RET: variants seen among roughly 807,000 people sequenced by gnomAD.
RET encodes the protein ret proto-oncogene.
A neutral mutation model predicts 118.3 loss-of-function variants in RET; 19 were observed. The observed-to-expected ratio is 0.16, with a 90% CI of 0.11 to 0.24. The LOEUF is 0.24. Among genes scored for constraint, RET ranks in the 10% least tolerant of loss-of-function variants. RET has a pLI of 1.00. For synonymous variants in RET, 597 were observed against 644.1 expected, an observed-to-expected ratio of 0.93 and a Z score of 1.11; for missense variants, 1,219 against 1,502.1, an observed-to-expected ratio of 0.81 and a Z score of 3.12.
intron 6 of RET, 111 bp downstream of exon 6, chr10:43,109,341 G>A (rs1446637135): frequency 3.6e-6 from 4 of 1,119,822 alleles, no homozygotes; most frequent in Non-Finnish European, 5.2e-6. Context: ...GAGTAGACTG[G>A]GTGGAGTCCT....
At position 43,092,730 on chromosome 10, in the gene RET, C is replaced by T. The variant is rs1291068770; in HGVS notation, c.74-7729C>T. Among the ~76,000 whole-genome samples the T allele has an allele frequency of 2.0e-5, 3 of 152,212 alleles. No homozygotes were observed. The East Asian group carries it at 5.8e-4, about 29-fold the overall frequency. On this transcript the variant is annotated intron_variant, in intron 1 of 19. Transcript: ENST00000355710. ...CAGGGCTCCTCAGGCACTGATAGAT[C>T]ATTTCCTGAGCTGAAAAGGAGTGGT... is the stretch of plus-strand genomic sequence containing the variant.
At chr10:43,127,017 T>C in intron 19 of RET, 5 of 1,324,228 alleles carry the variant, frequency 3.8e-6, no homozygotes, top group Non-Finnish European at 4.8e-6. Flanking sequence ...CAAGAACAGG[T>C]TGAATAAGGC....
rs747166722 is a variant in RET at position 43,114,679 on chromosome 10, C to G, written c.2079C>G (p.Arg693=). The change falls in exon 11 of 20, where the codon CGC becomes CGG. Residue 693 remains arginine (R), a synonymous_variant. Transcript: ENST00000355710. This position sits in a 1 kb window ranked among gnomAD's most constrained non-coding sequence, Gnocchi z 4.6. ...FPVSYSSSGA[R]RPSLDSMENQ... ...TCAGCTACTCCTCTTCCGGTGCCCG[C>G]CGGCCCTCGCTGGACTCCATGGAGA... 1.2e-5 allele frequency: 19 copies of G among 1,612,394 alleles called. No homozygotes were observed. The highest frequency in any genetic ancestry group is 1.7e-5 in the Admixed American group (1 of 59,992).
intron 1 of RET, among the ~76,000 whole-genome samples, chr10:43,078,940 G>A (rs913836902): frequency 2.6e-5 from 4 of 152,238 alleles, no homozygotes; most frequent in African/African-American, 9.6e-5. Flanking sequence ...CCCTGGAGTA[G>A]ACAGCTGGGG....
At chr10:43,091,167 C>T (rs1373714197) in intron 1 of RET, among the ~76,000 whole-genome samples, 2 of 152,112 alleles carry the variant, frequency 1.3e-5, no homozygotes, top group East Asian at 3.9e-4. Flanking sequence ...AATTGGGCTA[C>T]ATCAAAATGT....
intron 3 of RET, chr10:43,104,600 C>T (rs929556031): frequency 2.4e-6 from 1 of 423,662 alleles, no homozygotes; most frequent in Non-Finnish European, 4.3e-6. Flanking sequence ...CACCCTTCCC[C>T]ACACAAGGCC....
intron 11 of RET, 22 bp from the exon 12 acceptor site, chr10:43,116,562 C>G (rs959299216): frequency 2.5e-6 from 4 of 1,613,648 alleles, no homozygotes; most frequent in Non-Finnish European, 2.5e-6. Context: ...CTCTTCTCCC[C>G]CTTCCCTCAT....
intron 1 of RET, among the ~76,000 whole-genome samples, chr10:43,093,976 C>T (rs976457186): frequency 6.6e-6 from 1 of 151,890 alleles, no homozygotes; most frequent in Admixed American, 6.6e-5. Flanking sequence ...TCAGCAGGGC[C>T]ACGGGCTCCA....
At chr10:43,096,127 G>A (rs558662930) in intron 1 of RET, among the ~76,000 whole-genome samples, 3 of 152,168 alleles carry the variant, frequency 2.0e-5, no homozygotes, top group African/African-American at 7.2e-5. Context: ...GTGGCATTTG[G>A]GCTTTGAAGG....
At chr10:43,094,934 C>T (rs144021924) in intron 1 of RET, among the ~76,000 whole-genome samples, 65 of 152,234 alleles carry the variant, frequency 4.3e-4, no homozygotes, top group African/African-American at 1.1e-3. Flanking sequence ...GCAATGTGTC[C>T]GCCTGAGTCT....
Position 43,128,238 on chromosome 10 carries a change from C to T in RET, c.3314C>T (p.Ala1105Val), listed in dbSNP as rs532862288. ...GCTAACTGGATGCTTTCACCCTCAG[C>T]GGCAAAATTAATGGACACGTTTGAT... The part of the protein sequence containing the change: ...VYANWMLSPS[A>V]AKLMDTFDS Residue 1105 changes from alanine to valine, a missense_variant, in exon 20 of 20, where the codon GCG (alanine) becomes GTG (valine). Transcript: ENST00000355710. 2.9e-5 allele frequency: 47 copies of T among 1,613,990 alleles called. No homozygotes were observed. Among genetic ancestry groups the T allele is most frequent in the Admixed American group, 5.0e-5 (3 of 59,992 alleles).
intron 1 of RET, among the ~76,000 whole-genome samples, chr10:43,099,836 G>A (rs980631828): frequency 6.6e-6 from 1 of 152,218 alleles, no homozygotes; most frequent in African/African-American, 2.4e-5. Context: ...CCATCCAGGT[G>A]TTTGCGTGTA....
chr10:43,120,061 C>T lies in RET; in HGVS notation c.2608-20C>T, dbSNP rs758516402. On this transcript the variant is annotated intron_variant, in intron 14 of 19. Transcript: ENST00000355710. ...GCTGCCTGGCCATGGCCTGACGACT[C>T]GTGCTATTTTTCCTCACAGCTCGTT... 1.3e-5 allele frequency: 21 copies of T among 1,613,018 alleles called. No individual in the cohort carries two copies. The highest frequency in any genetic ancestry group is 1.7e-5 in the Non-Finnish European group (20 of 1,179,704).
chr10:43,085,302 T>C (rs1837266673), intron 1 of RET, among the ~76,000 whole-genome samples: 1 of 152,202 alleles, frequency 6.6e-6, no homozygotes, highest in South Asian at 2.1e-4. Context: ...CACAGGGGCA[T>C]GGGCTGGGCC....
At chr10:43,093,230 G>A (rs1425341357) in intron 1 of RET, among the ~76,000 whole-genome samples, 1 of 152,094 alleles carries the variant, frequency 6.6e-6, no homozygotes, top group Admixed American at 6.5e-5. Context: ...CACAGAGGGT[G>A]CCATGATTCA....
chr10:43,109,195 C>G lies in RET; in HGVS notation c.1228C>G (p.Leu410Val). The G allele has an allele frequency of 6.2e-7, 1 of 1,613,780 alleles. No homozygotes were observed. The highest frequency in any genetic ancestry group is 2.2e-5 in the East Asian group (1 of 44,880). Residue 410 changes from leucine to valine, a missense_variant, in exon 6 of 20, where the codon CTC (leucine) becomes GTC (valine). By Grantham distance (32) the Leu-to-Val change is conservative. Transcript: ENST00000355710. ...CCTGCACCTGCCCAGTACCTACTCC[C>G]TCTCCGTGAGCAGGAGGGCTCGCCG... is the stretch of plus-strand genomic sequence containing the variant. ...VSLHLPSTYS[L>V]SVSRRARRFA...
At position 43,095,288 on chromosome 10, in the gene RET, A is replaced by G. The variant is rs1451805772; in HGVS notation, c.74-5171A>G. Among the ~76,000 whole-genome samples, 5 of 152,102 alleles carry G rather than the reference A, an allele frequency of 3.3e-5. No individual in the cohort carries two copies. The East Asian group carries it at 7.7e-4, about 23-fold the overall frequency. On this transcript the variant is annotated intron_variant, in intron 1 of 19. Coordinates refer to ENST00000355710, the MANE Select transcript of RET (RefSeq NM_020975.6). Reference sequence around the variant, plus strand: ...TTGGGTATGTGCTAGGGTGGAGCACATAGCACACCCTGTCTCGTGGACTGC... The same window carrying G: ...TTGGGTATGTGCTAGGGTGGAGCACGTAGCACACCCTGTCTCGTGGACTGC...
At chr10:43,096,984 G>T (rs1401824590) in intron 1 of RET, among the ~76,000 whole-genome samples, 1 of 152,194 alleles carries the variant, frequency 6.6e-6, no homozygotes, top group Non-Finnish European at 1.5e-5. Flanking sequence ...CACCTGGGAG[G>T]CATTTTAAGT....
chr10:43,123,977 G>C (rs1190573565), intron 17 of RET, among the ~76,000 whole-genome samples, 169 bp downstream of exon 17: 1 of 152,130 alleles, frequency 6.6e-6, no homozygotes, highest in Non-Finnish European at 1.5e-5. Context: ...GTAGATGCTG[G>C]GGGTCCTACC....
Sources: allele counts gnomAD v4.1 joint callset (sites outside exome capture counted in the v4.1 genomes callset), GRCh38; gene constraint gnomAD v4.1.1; non-coding constraint Gnocchi (gnomAD v3.1); transcripts MANE v1.5; gene names NCBI Gene and HGNC (gene_info 2026-07-23, HGNC 2026-07-21).